Variants in IL1RAPL2 observed in about 807,000 individuals in gnomAD.
IL1RAPL2 encodes X-linked interleukin-1 receptor accessory protein-like 2.
IL1RAPL2 carries 3 observed loss-of-function variants against 44.1 expected under a neutral mutation model. The ratio of observed to expected loss-of-function variants is 0.07; its 90% CI spans 0.03 to 0.18. The LOEUF is 0.18. Ranked by LOEUF, IL1RAPL2 falls within the 10% of genes least tolerant of loss-of-function variation. The probability of loss-of-function intolerance (pLI) is 1.00; values close to 1 mark genes in which losing one functional copy is unlikely to be tolerated. For missense variants in IL1RAPL2, 391 were observed against 496.4 expected (o/e 0.79, Z 2.02); for synonymous variants, 181 against 178.8 (o/e 1.01, Z -0.10).
intron 6 of IL1RAPL2, among the ~76,000 whole-genome samples, chrX:105,501,582 T>C (rs191843005): frequency 1.8e-5 from 2 of 110,861 alleles, no homozygotes; most frequent in East Asian, 5.8e-4. Flanking sequence ...CTTACTCGCA[T>C]CACTGCAATC....
chrX:104,719,700 T>C (rs1424075366), intron 2 of IL1RAPL2, among the ~76,000 whole-genome samples: 1 of 111,691 alleles, frequency 9.0e-6, no homozygotes, highest in Non-Finnish European at 1.9e-5. Flanking sequence ...TTGCAACTTG[T>C]AGCTTCACCG....
intron 2 of IL1RAPL2, among the ~76,000 whole-genome samples, chrX:105,130,274 C>T (rs1486043197): frequency 1.8e-5 from 2 of 111,207 alleles, no homozygotes; most frequent in Non-Finnish European, 3.8e-5. Context: ...ACATGATTTT[C>T]AGACCTCACT....
At chrX:104,754,026 T>C (rs951515354) in intron 2 of IL1RAPL2, among the ~76,000 whole-genome samples, 4 of 111,650 alleles carry the variant, frequency 3.6e-5, no homozygotes, top group African/African-American at 1.3e-4. Context: ...AAGTACGTTG[T>C]GGATGTCATT....
At chrX:105,333,119 T>C (rs1043229650) in intron 5 of IL1RAPL2, among the ~76,000 whole-genome samples, 18 of 111,502 alleles carry the variant, frequency 1.6e-4, no homozygotes, top group Non-Finnish European at 3.8e-5. Flanking sequence ...CAAATTATAC[T>C]ACAGCGCTAT....
At position 104,627,056 on chromosome X, in the gene IL1RAPL2, A is replaced by T. The variant is rs367707553; in HGVS notation, c.-19-31839A>T. ...ATGGTCTCCATCTCCTGACCTCATG[A>T]TCCGCCCGCCTCGGCCTTCTAAAGT... On this transcript the variant is annotated intron_variant, in intron 1 of 10. Coordinates refer to ENST00000372582, the MANE Select transcript of IL1RAPL2 (RefSeq NM_017416.2). Among the ~76,000 whole-genome samples, 90 of 109,325 alleles carry T rather than the reference A, an allele frequency of 8.2e-4. 1 individual carries two copies. The South Asian group carries it at 0.034, about 42-fold the overall frequency. 94.9% of individuals were successfully genotyped at this position (109,325 alleles called of 115,157 possible). A position where few individuals can be genotyped will look rare whatever the true frequency, so the allele number is the denominator to read the frequency against.
intron 10 of IL1RAPL2, among the ~76,000 whole-genome samples, chrX:105,755,592 C>T (rs183171993): frequency 9.0e-6 from 1 of 111,139 alleles, no homozygotes; most frequent in African/African-American, 3.3e-5. Flanking sequence ...ATTATATTGC[C>T]TTAGTATCCT....
At chrX:105,117,387 T>C (rs1255974827) in intron 2 of IL1RAPL2, among the ~76,000 whole-genome samples, 3 of 112,009 alleles carry the variant, frequency 2.7e-5, no homozygotes, top group African/African-American at 9.7e-5. Flanking sequence ...AATGGAAAGG[T>C]AGTAATCATT....
intron 2 of IL1RAPL2, among the ~76,000 whole-genome samples, chrX:104,757,294 G>A (rs1436092801): frequency 4.5e-5 from 5 of 111,814 alleles, no homozygotes; most frequent in African/African-American, 1.3e-4. Flanking sequence ...TACAAGGATG[G>A]CATTTATGTG....
intron 1 of IL1RAPL2, among the ~76,000 whole-genome samples, chrX:104,595,895 G>A (rs1443810939): frequency 2.1e-5 from 2 of 95,201 alleles, no homozygotes; most frequent in Non-Finnish European, 4.1e-5. Context: ...AATCTCTAGG[G>A]TTGGGGCCCA....
intron 2 of IL1RAPL2, among the ~76,000 whole-genome samples, chrX:104,830,799 A>G (rs1921584374): frequency 8.9e-6 from 1 of 112,363 alleles, no homozygotes; most frequent in Non-Finnish European, 1.9e-5. Context: ...ATACATGTAC[A>G]GATTCTTTTA....
intron 5 of IL1RAPL2, among the ~76,000 whole-genome samples, chrX:105,372,662 T>C (rs1285174538): frequency 9.0e-6 from 1 of 111,102 alleles, no homozygotes; most frequent in Non-Finnish European, 1.9e-5. Context: ...CCCCAGCATC[T>C]GTTGTTCCCC....
chrX:105,314,073 A>T lies in IL1RAPL2; in HGVS notation c.697+46532A>T, dbSNP rs757826214. ...CTTTATCTAAATTGCCCTGTTAATGAGTTTTCTGAATACACTAAATCATAA... is the reference window on the plus strand; with the variant it reads ...CTTTATCTAAATTGCCCTGTTAATGTGTTTTCTGAATACACTAAATCATAA... On this transcript the variant is annotated intron_variant, in intron 5 of 10. Transcript: ENST00000372582. 4.0e-4 allele frequency among the ~76,000 whole-genome samples: 45 copies of T among 112,053 alleles called. No homozygotes were observed. In the Middle Eastern group the frequency reaches 0.028, roughly 70 times the overall value.
At chrX:105,421,471 C>G (rs764597777) in intron 5 of IL1RAPL2, among the ~76,000 whole-genome samples, 8 of 111,463 alleles carry the variant, frequency 7.2e-5, no homozygotes, top group Non-Finnish European at 1.1e-4. Flanking sequence ...TTGGAGAAAG[C>G]ATTTTAGAAG....
At chrX:105,077,998 C>G (rs182866244) in intron 2 of IL1RAPL2, among the ~76,000 whole-genome samples, 2 of 111,723 alleles carry the variant, frequency 1.8e-5, no homozygotes, top group Admixed American at 1.9e-4. Context: ...CCTCCTTTAG[C>G]TTGGAGTAGT....
At chrX:105,726,881 A>G (rs2038356606) in intron 7 of IL1RAPL2, among the ~76,000 whole-genome samples, 1 of 111,009 alleles carries the variant, frequency 9.0e-6, no homozygotes, top group South Asian at 3.8e-4. Context: ...GGATTAATCC[A>G]TAGTTCCTCT....
intron 2 of IL1RAPL2, among the ~76,000 whole-genome samples, chrX:104,749,863 T>C (rs900873189): frequency 1.8e-5 from 2 of 112,028 alleles, no homozygotes; most frequent in East Asian, 2.8e-4. Flanking sequence ...ACAAAATGGT[T>C]TCATGTTTGA....
intron 2 of IL1RAPL2, among the ~76,000 whole-genome samples, chrX:104,661,262 T>C (rs755140824): frequency 9.0e-6 from 1 of 111,555 alleles, no homozygotes; most frequent in East Asian, 2.8e-4. Context: ...GCCAGGACAA[T>C]AGCAATTGTA....
intron 5 of IL1RAPL2, among the ~76,000 whole-genome samples, chrX:105,332,531 G>C (rs1288950838): frequency 9.0e-6 from 1 of 111,471 alleles, no homozygotes; most frequent in Non-Finnish European, 1.9e-5. Flanking sequence ...AATCAGACAA[G>C]AGAAACATAT....
intron 1 of IL1RAPL2, among the ~76,000 whole-genome samples, chrX:104,634,291 G>C (rs189307547): frequency 2.7e-4 from 30 of 111,617 alleles, no homozygotes; most frequent in Non-Finnish European, 4.7e-4. Context: ...GAATAAGTGC[G>C]GTGTGGTGCT....
Sources: gnomAD v4.1 joint callset for allele counts (sites outside exome capture counted in the v4.1 genomes callset) on GRCh38, gnomAD v4.1.1 for gene constraint, MANE v1.5 for transcripts, NCBI Gene and HGNC (gene_info 2026-07-23, HGNC 2026-07-21) for gene names.